Variants in MYO16 observed in about 807,000 individuals in gnomAD.
MYO16 encodes myosin XVI, also known as unconventional myosin-XVI.
Under a neutral mutation model 205.3 loss-of-function variants are expected in MYO16, and 94 were observed. The ratio of observed to expected loss-of-function variants is 0.46; its 90% CI spans 0.39 to 0.54. The LOEUF (loss-of-function observed/expected upper bound fraction) is 0.54. Among genes scored for constraint, MYO16 ranks in the 20% least tolerant of loss-of-function variants. MYO16 has a pLI of 0.00. For synonymous variants in MYO16, 988 were observed against 954.0 expected (o/e 1.04, Z -0.66); for missense variants, 2,315 against 2,387.5 (o/e 0.97, Z 0.63).
intron 3 of MYO16, among the ~76,000 whole-genome samples, chr13:108,717,323 A>T (rs1297128449): frequency 6.6e-6 from 1 of 152,042 alleles, no homozygotes; most frequent in Non-Finnish European, 1.5e-5. Flanking sequence ...AGTGGAATTC[A>T]TGTAGCTGTT....
chr13:108,811,423 G>T lies in MYO16; in HGVS notation c.867+4619G>T, dbSNP rs115478863. 8.8e-3 allele frequency among the ~76,000 whole-genome samples: 1,337 copies of T among 151,584 alleles called. 16 individuals are homozygous for T. The highest frequency in any genetic ancestry group is 0.032 in the Admixed American group (491 of 15,212). On this transcript the variant is annotated intron_variant, in intron 7 of 34. Transcript: ENST00000457511. ...TTTGAGAAATATTCTCACACCCTCA[G>T]CTTCAAATGCTGTCTACATGCTCAT... is the stretch of plus-strand genomic sequence containing the variant.
intron 16 of MYO16, among the ~76,000 whole-genome samples, chr13:108,926,996 C>T (rs778754601): frequency 7.2e-5 from 11 of 152,162 alleles, no homozygotes; most frequent in Non-Finnish European, 8.8e-5. Flanking sequence ...GCCCCTGGCA[C>T]GGTGCATATC....
chr13:108,823,244 A>C lies in MYO16; in HGVS notation c.1063A>C (p.Ile355Leu), dbSNP rs1876077685. Reference sequence around the variant, plus strand: ...AGCTCAAGAAGAGCCCTATGAAGAGATCATTCACGATCTTCCCGTACTGTC... The same window carrying C: ...AGCTCAAGAAGAGCCCTATGAAGAGCTCATTCACGATCTTCCCGTACTGTC... ...TLAQEEPYEE[I>L]IHDLPVLSSK... is the part of the protein sequence containing the mutation. The change falls in exon 9 of 35, where the codon ATC becomes CTC. Residue 355 changes from isoleucine to leucine, a missense_variant. Ile to Leu is a conservative substitution (Grantham distance 5, BLOSUM62 2). Coordinates refer to ENST00000457511, the MANE Select transcript of MYO16 (RefSeq NM_001198950.3). 3.1e-6 allele frequency: 5 copies of C among 1,611,894 alleles called. No homozygotes were observed.
At chr13:108,934,095 C>A (rs1435572992) in intron 16 of MYO16, among the ~76,000 whole-genome samples, 1 of 152,082 alleles carries the variant, frequency 6.6e-6, no homozygotes, top group Admixed American at 6.6e-5. Flanking sequence ...AGAATGATTT[C>A]TTTTCCTTTG....
intron 4 of MYO16, among the ~76,000 whole-genome samples, chr13:108,769,149 C>T (rs888948746): frequency 7.9e-5 from 12 of 152,156 alleles, no homozygotes; most frequent in South Asian, 6.2e-4. Flanking sequence ...GAATAGTAAC[C>T]ATCGCTGGGA....
intron 29 of MYO16, among the ~76,000 whole-genome samples, chr13:109,124,771 C>T (rs1317085260): frequency 6.6e-6 from 1 of 152,136 alleles, no homozygotes; most frequent in Non-Finnish European, 1.5e-5. Context: ...AGATGATCCG[C>T]ACATCCCAAA....
At chr13:109,010,181 G>A (rs1055498293) in intron 22 of MYO16, among the ~76,000 whole-genome samples, 5 of 152,158 alleles carry the variant, frequency 3.3e-5, no homozygotes, top group Non-Finnish European at 7.3e-5. Context: ...GTGAAACTAT[G>A]ACAACCTTTC....
intron 32 of MYO16, among the ~76,000 whole-genome samples, chr13:109,144,751 A>G (rs1481381844): frequency 1.3e-5 from 2 of 152,222 alleles, no homozygotes; most frequent in East Asian, 3.8e-4. Flanking sequence ...CAAATTTTGC[A>G]GAAAGGTTCA....
chr13:108,952,088 G>A (rs186164848), intron 16 of MYO16, among the ~76,000 whole-genome samples: 6,858 of 150,742 alleles, frequency 0.045, 301 homozygotes, highest in Admixed American at 0.13. Context: ...TCCAGCCTGG[G>A]AAAAACGAGT....
At chr13:108,919,929 CTG>C in intron 16 of MYO16, among the ~76,000 whole-genome samples, 1 of 152,344 alleles carries the variant, frequency 6.6e-6, no homozygotes, top group African/African-American at 2.4e-5. Flanking sequence ...ATTTCTCTGA[CTG>C]TGAATATTCA....
At chr13:108,542,013 T>C in the MYO16 span, among the ~76,000 whole-genome samples, 2 of 152,182 alleles carry the variant, frequency 1.3e-5, no homozygotes, top group African/African-American at 4.8e-5. Flanking sequence ...CATGCATGCT[T>C]ATGTTCATTG....
chr13:108,561,648 T>C, the MYO16 span, among the ~76,000 whole-genome samples: 1 of 152,252 alleles, frequency 6.6e-6, no homozygotes. Context: ...ACTGATGCTA[T>C]AGATTAAATC....
the MYO16 span, among the ~76,000 whole-genome samples, chr13:108,579,932 G>A: frequency 6.6e-6 from 1 of 152,058 alleles, no homozygotes; most frequent in Non-Finnish European, 1.5e-5. Flanking sequence ...GAAACCATTT[G>A]GAGTTTAGGT....
intron 1 of MYO16, among the ~76,000 whole-genome samples, chr13:108,597,108 A>G (rs1215098593): frequency 6.6e-6 from 1 of 152,218 alleles, no homozygotes; most frequent in African/African-American, 2.4e-5. Context: ...AAAAAATAAC[A>G]GCCATCATTT....
chr13:108,631,158 G>A (rs762954081), intron 1 of MYO16, among the ~76,000 whole-genome samples: 10 of 152,186 alleles, frequency 6.6e-5, no homozygotes, highest in African/African-American at 9.6e-5. Flanking sequence ...ATTGCCTCTC[G>A]TGTTTTACTG....
Position 109,046,938 on chromosome 13 carries a change from C to T in MYO16, c.2819C>T (p.Ala940Val), listed in dbSNP as rs759163459. ...TAGGTAATGTATGATGTTGTTGGGGCGATTGAAAAAAATAAAGACTCCCTT... is the reference window on the plus strand; with the variant it reads ...TAGGTAATGTATGATGTTGTTGGGGTGATTGAAAAAAATAAAGACTCCCTT... ...AGRVMYDVVG[A>V]IEKNKDSLSQ... is the part of the protein sequence containing the mutation. The change falls in exon 24 of 35, where the codon GCG (alanine) becomes GTG (valine). Residue 940 changes from alanine to valine, a missense_variant. This residue lies in a region of MYO16 where 1,213 missense variants were observed against 1,274.4 expected (regional missense o/e 0.95). Coordinates refer to ENST00000457511, the MANE Select transcript of MYO16 (RefSeq NM_001198950.3). 1.3e-5 allele frequency: 21 copies of T among 1,609,994 alleles called. No individual in the cohort carries two copies. In the African/African-American group the frequency reaches 1.6e-4, roughly 12 times the overall value.
At chr13:109,059,393 T>C (rs900189660) in intron 27 of MYO16, among the ~76,000 whole-genome samples, 2 of 152,194 alleles carry the variant, frequency 1.3e-5, no homozygotes, top group African/African-American at 4.8e-5. Context: ...AACATTCAAT[T>C]CCTTCAGCAG....
chr13:109,178,644 G>A (rs941030041), intron 33 of MYO16, among the ~76,000 whole-genome samples: 2 of 152,138 alleles, frequency 1.3e-5, no homozygotes, highest in Non-Finnish European at 2.9e-5. Context: ...GTCACTTGCG[G>A]TGATGCATTG....
intron 34 of MYO16, 37 bp from the exon 35 acceptor site, chr13:109,206,572 G>T: frequency 6.8e-7 from 1 of 1,479,478 alleles, no homozygotes; most frequent in South Asian, 1.2e-5. Flanking sequence ...ACAATATTTG[G>T]TGCTACCTGT....
Sources: allele counts gnomAD v4.1 joint callset (sites outside exome capture counted in the v4.1 genomes callset), GRCh38; gene constraint gnomAD v4.1.1; regional missense constraint gnomAD v4.1.1; transcripts MANE v1.5; gene names NCBI Gene and HGNC (gene_info 2026-07-23, HGNC 2026-07-21).